The following SPHKAP variants were observed in gnomAD, a reference collection of about 807,000 sequenced individuals.
The protein encoded by SPHKAP is A-kinase anchor protein SPHKAP.
SPHKAP carries 67 observed loss-of-function variants against 137.5 expected under a neutral mutation model. The ratio of observed to expected loss-of-function variants is 0.49; its 90% confidence interval spans 0.40 to 0.60. SPHKAP has a LOEUF of 0.60. Ranked by LOEUF, SPHKAP falls within the 20% of genes least tolerant of loss-of-function variation. SPHKAP has a pLI of 0.00. For missense variants in SPHKAP, 2,097 were observed against 2,069.3 expected, an observed-to-expected ratio of 1.01 and a Z score of -0.26; for synonymous variants, 813 against 785.3, an observed-to-expected ratio of 1.04 and a Z score of -0.59.
At chr2:228,162,090 T>A (rs1700291922) in intron 1 of SPHKAP, among the ~76,000 whole-genome samples, 1 of 152,228 alleles carries the variant, frequency 6.6e-6, no homozygotes, top group African/African-American at 2.4e-5. Flanking sequence ...TTTTGATAGA[T>A]GTTGGTTGTA....
rs766601140 is a variant in SPHKAP at position 228,017,668 on chromosome 2, C to T, written c.3186G>A (p.Gln1062=). 1 of 1,613,982 alleles carries T rather than the reference C, an allele frequency of 6.2e-7. No individual in the cohort carries two copies. ...FSMVDGMWQA[Q]GYPRNRLLSG... ...TCAGTAACCGATTCCGGGGATAGCC[C>T]TGCGCCTGCCACATGCCGTCCACCA... The change falls in exon 7 of 12, where the codon CAG becomes CAA. Residue 1062 remains glutamine, a synonymous_variant. Coordinates refer to ENST00000392056, the MANE Select transcript of SPHKAP (RefSeq NM_001142644.2).
intron 3 of SPHKAP, among the ~76,000 whole-genome samples, chr2:228,067,802 A>G (rs1696876109): frequency 2.0e-5 from 3 of 152,206 alleles, no homozygotes; most frequent in African/African-American, 7.2e-5. Context: ...TTAAATATAC[A>G]GTTGGTCCTC....
At chr2:228,105,331 G>T (rs924220245) in intron 3 of SPHKAP, among the ~76,000 whole-genome samples, 1 of 151,940 alleles carries the variant, frequency 6.6e-6, no homozygotes, top group Non-Finnish European at 1.5e-5. Context: ...TACCACTTAC[G>T]TGAAGGACCT....
Position 227,981,627 on chromosome 2 carries a change from G to A in SPHKAP, c.*90C>T. On this transcript the variant is annotated 3_prime_UTR_variant, in exon 12 of 12. Transcript: ENST00000392056. ...TATAGTTCTGCTAATGTGATGTGAT[G>A]TTTTGAGAATGTTTAGAGCATTTAG... is the stretch of plus-strand genomic sequence containing the variant. The A allele has an allele frequency of 6.8e-7, 1 of 1,466,698 alleles. No individual in the cohort carries two copies. The highest frequency in any genetic ancestry group is 9.1e-7 in the Non-Finnish European group (1 of 1,092,944). The allele number at this position is 1,466,698 out of a possible 1,614,324, so 90.9% of individuals were successfully genotyped here.
Position 227,995,517 on chromosome 2 carries a change from T to A in SPHKAP, c.4626A>T (p.Arg1542=), listed in dbSNP as rs1327747554. 2.5e-6 allele frequency: 4 copies of A among 1,614,112 alleles called. No individual in the cohort carries two copies. In the South Asian group the frequency reaches 4.4e-5, roughly 18 times the overall value. Residue 1542 remains arginine (R), a synonymous_variant, in exon 8 of 12, where the codon CGA becomes CGT. Transcript: ENST00000392056. Reference sequence around the variant, plus strand: ...AAGGGAAGAGCAGGTACCTCATGGATCGCTCACTGAGCTGGAGAAAGCTAC... The same window carrying A: ...AAGGGAAGAGCAGGTACCTCATGGAACGCTCACTGAGCTGGAGAAAGCTAC... ...DTSSFLQLSE[R]SMSNGNSSAT...
chr2:228,158,247 G>A (rs1009271716), intron 1 of SPHKAP, among the ~76,000 whole-genome samples: 1 of 151,158 alleles, frequency 6.6e-6, no homozygotes, highest in Non-Finnish European at 1.5e-5. Context: ...TACCCACTTT[G>A]CTCTTTTTAA....
At chr2:228,105,883 C>T (rs115673958) in intron 3 of SPHKAP, among the ~76,000 whole-genome samples, 34 of 152,228 alleles carry the variant, frequency 2.2e-4, no homozygotes, top group Admixed American at 1.1e-3. Context: ...TACCAAGTCT[C>T]GGGTATTTCT....
intron 3 of SPHKAP, among the ~76,000 whole-genome samples, chr2:228,034,995 A>G (rs1415615231): frequency 6.7e-6 from 1 of 149,978 alleles, no homozygotes; most frequent in Non-Finnish European, 1.5e-5. Flanking sequence ...CTCTCTCACC[A>G]CTCCTATTCA....
At chr2:228,055,141 C>CAAA (rs1559149608) in intron 3 of SPHKAP, among the ~76,000 whole-genome samples, 15 of 111,886 alleles carry the variant, frequency 1.3e-4, no homozygotes, top group African/African-American at 5.0e-4. Flanking sequence ...AAACTCCACT[C>CAAA]CAAAAAAAAA....
At chr2:228,015,660 T>C (rs1299975646) in intron 7 of SPHKAP, among the ~76,000 whole-genome samples, 3 of 152,194 alleles carry the variant, frequency 2.0e-5, no homozygotes, top group African/African-American at 4.8e-5. Flanking sequence ...TATGTCATAA[T>C]TTTCTGGAAA....
intron 3 of SPHKAP, among the ~76,000 whole-genome samples, chr2:228,060,708 C>T (rs2106286150): frequency 6.6e-6 from 1 of 152,162 alleles, no homozygotes; most frequent in South Asian, 2.1e-4. Flanking sequence ...TTCCATAAGG[C>T]ATCTAATGTT....
intron 3 of SPHKAP, among the ~76,000 whole-genome samples, chr2:228,092,199 G>A (rs1218905376): frequency 7.7e-6 from 1 of 130,616 alleles, no homozygotes; most frequent in Non-Finnish European, 1.7e-5. Context: ...GCATACACAT[G>A]CATACACACA....
chr2:228,079,466 C>A (rs1223921030), intron 3 of SPHKAP, among the ~76,000 whole-genome samples: 1 of 152,178 alleles, frequency 6.6e-6, no homozygotes, highest in East Asian at 1.9e-4. Flanking sequence ...CAGGCTGGAC[C>A]CCATGGAGTG....
At chr2:228,011,395 A>G (rs1013906825) in intron 7 of SPHKAP, among the ~76,000 whole-genome samples, 1 of 152,190 alleles carries the variant, frequency 6.6e-6, no homozygotes, top group Admixed American at 6.5e-5. Flanking sequence ...CCTTTAGAAA[A>G]TGAATTTTTA....
At position 228,017,092 on chromosome 2, in the gene SPHKAP, G is replaced by A; in HGVS notation, c.3762C>T (p.Pro1254=). The A allele has an allele frequency of 6.2e-7, 1 of 1,614,046 alleles. No individual in the cohort carries two copies. The highest frequency in any genetic ancestry group is 8.5e-7 in the Non-Finnish European group (1 of 1,180,008). The part of the protein sequence containing the change: ...SPCSRLTVNV[P]IKANSLDGFA... ...AGCCATCTAAAGAGTTGGCTTTGAT[G>A]GGCACATTCACTGTCAGCCTGGAGC... The change falls in exon 7 of 12, where the codon CCC becomes CCT. Residue 1254 remains proline, a synonymous_variant. Coordinates refer to ENST00000392056, the MANE Select transcript of SPHKAP (RefSeq NM_001142644.2).
intron 1 of SPHKAP, among the ~76,000 whole-genome samples, chr2:228,167,617 C>A (rs12611925): frequency 6.6e-6 from 1 of 152,018 alleles, no homozygotes; most frequent in African/African-American, 2.4e-5. Context: ...TTCTTTAATG[C>A]ATTTTTCTAT....
intron 11 of SPHKAP, chr2:227,982,459 A>G: frequency 1.4e-6 from 1 of 710,330 alleles, no homozygotes; most frequent in Non-Finnish European, 1.7e-6. Context: ...GGGTATTGGT[A>G]CCAGTTCTAT....
chr2:228,023,414 T>C (rs1034106361), intron 5 of SPHKAP, among the ~76,000 whole-genome samples: 1 of 152,228 alleles, frequency 6.6e-6, no homozygotes, highest in South Asian at 2.1e-4. Context: ...AATCAGAATC[T>C]GCATTTCCAA....
intron 2 of SPHKAP, among the ~76,000 whole-genome samples, chr2:228,122,065 G>C (rs10167964): frequency 0.34 from 51,865 of 151,712 alleles, 9,145 homozygotes; most frequent in East Asian, 0.5. Context: ...TTTAAGTACC[G>C]AAAGATAAAA....
Sources: allele counts gnomAD v4.1 joint callset (sites outside exome capture counted in the v4.1 genomes callset), GRCh38; gene constraint gnomAD v4.1.1; transcripts MANE v1.5; gene names NCBI Gene and HGNC (gene_info 2026-07-23, HGNC 2026-07-21).